The following TSHR variants were observed in gnomAD, a reference collection of about 807,000 sequenced individuals.
The protein encoded by TSHR is thyroid stimulating hormone receptor, also known as thyrotropin receptor.
TSHR carries 51 observed loss-of-function variants against 64.1 expected under a neutral mutation model. The ratio of observed to expected loss-of-function variants is 0.80; its 90% CI spans 0.64 to 1.01. TSHR has a LOEUF of 1.01. TSHR is among the 50% of genes least tolerant of loss of function. TSHR has a pLI of 0.00. For synonymous variants in TSHR, 361 were observed against 361.9 expected, an observed-to-expected ratio of 1.00 and a Z score of 0.03; for missense variants, 877 against 942.8, an observed-to-expected ratio of 0.93 and a Z score of 0.91.
chr14:81,035,767 C>A (rs1395050907), intron 1 of TSHR, among the ~76,000 whole-genome samples: 1 of 151,732 alleles, frequency 6.6e-6, no homozygotes, highest in Non-Finnish European at 1.5e-5. Flanking sequence ...TACACTTTAC[C>A]CCTTACATTG....
intron 8 of TSHR, among the ~76,000 whole-genome samples, chr14:81,118,884 A>G (rs1045103260): frequency 1.3e-5 from 2 of 149,668 alleles, no homozygotes; most frequent in African/African-American, 5.0e-5. Flanking sequence ...CATGTCTACA[A>G]CTATCTGATC....
intron 1 of TSHR, among the ~76,000 whole-genome samples, chr14:81,041,574 G>A (rs1884925531): frequency 6.6e-6 from 1 of 152,016 alleles, no homozygotes; most frequent in Non-Finnish European, 1.5e-5. Context: ...TGGATATTAG[G>A]CCTAATAACT....
chr14:80,969,086 A>G (rs759123888), intron 1 of TSHR, among the ~76,000 whole-genome samples: 21 of 152,206 alleles, frequency 1.4e-4, no homozygotes, highest in Non-Finnish European at 2.9e-4. Context: ...TCCTAGCTAC[A>G]TAGAACACAA....
rs938263413 is a variant in TSHR at position 81,142,086 on chromosome 14, A to AT, written c.882-844dup. 2.8e-3 allele frequency among the ~76,000 whole-genome samples: 419 copies of AT among 149,514 alleles called. 3 individuals are homozygous for AT. The highest frequency in any genetic ancestry group is 9.6e-3 in the African/African-American group (394 of 40,860). On this transcript the variant is annotated intron_variant, in intron 9 of 9. Coordinates refer to ENST00000298171, the MANE Select transcript of TSHR (RefSeq NM_000369.5). Reference sequence around the variant, plus strand: ...CAAGGCGACTGGCTCCAGCATCCACATTTTTTTTTTAAACAGAGTCTCACT... The same window carrying AT: ...CAAGGCGACTGGCTCCAGCATCCACATTTTTTTTTTTAAACAGAGTCTCACT...
chr14:80,978,082 C>T (rs566227853), intron 1 of TSHR, among the ~76,000 whole-genome samples: 1 of 134,526 alleles, frequency 7.4e-6, no homozygotes, highest in Non-Finnish European at 1.6e-5. Context: ...TCCTCCTCAA[C>T]AACATCCCTC....
intron 8 of TSHR, among the ~76,000 whole-genome samples, chr14:81,109,392 G>C (rs1890124964): frequency 6.6e-6 from 1 of 152,034 alleles, no homozygotes; most frequent in Non-Finnish European, 1.5e-5. Context: ...CTGGACGACA[G>C]AGCGAGAGTC....
intron 1 of TSHR, among the ~76,000 whole-genome samples, chr14:80,977,141 C>T (rs1416838013): frequency 6.6e-6 from 1 of 152,182 alleles, no homozygotes. Flanking sequence ...CTCTCATGGT[C>T]GGATGCTGTG....
intron 4 of TSHR, among the ~76,000 whole-genome samples, chr14:81,090,628 A>T (rs1402384479): frequency 6.6e-6 from 1 of 152,194 alleles, no homozygotes; most frequent in African/African-American, 2.4e-5. Context: ...AAATAACAGC[A>T]TAATATCATG....
chr14:80,971,151 C>CTAAG (rs1887571413), intron 1 of TSHR, among the ~76,000 whole-genome samples: 1 of 152,136 alleles, frequency 6.6e-6, no homozygotes, highest in Non-Finnish European at 1.5e-5. Context: ...ATGCCGCAGA[C>CTAAG]TAAGCATGTT....
intron 7 of TSHR, among the ~76,000 whole-genome samples, chr14:81,107,767 C>G (rs1483306203): frequency 6.6e-6 from 1 of 152,126 alleles, no homozygotes. Flanking sequence ...AGATCAACAA[C>G]AGACAACTTT....
At chr14:81,098,120 A>C (rs1269431323) in intron 7 of TSHR, among the ~76,000 whole-genome samples, 3 of 152,226 alleles carry the variant, frequency 2.0e-5, no homozygotes, top group African/African-American at 7.2e-5. Context: ...CTGGGAAAAC[A>C]CAGATGAACA....
intron 1 of TSHR, among the ~76,000 whole-genome samples, chr14:81,044,657 CAAAA>C (rs147382752): frequency 8.8e-6 from 1 of 113,564 alleles, no homozygotes; most frequent in African/African-American, 3.8e-5. Context: ...GACTCTGTCT[CAAAA>C]AAAAAAAAAA....
chr14:81,129,537 T>A lies in TSHR; in HGVS notation c.693-10142T>A, dbSNP rs143620630. On this transcript the variant is annotated intron_variant, in intron 8 of 9. Transcript: ENST00000298171. ...TAAATCATTCACCCCAAGCAGGCTC[T>A]ACCTGCTGCACAGCAATCACATCCC... Among the ~76,000 whole-genome samples the A allele has an allele frequency of 1.5e-3, 230 of 152,310 alleles. 1 individual carries two copies. The highest frequency in any genetic ancestry group is 4.8e-3 in the East Asian group (25 of 5,180).
chr14:81,060,051 T>C (rs1886120559), intron 1 of TSHR, among the ~76,000 whole-genome samples: 1 of 152,284 alleles, frequency 6.6e-6, no homozygotes, highest in East Asian at 1.9e-4. Context: ...TTAGAAACCA[T>C]TGCAATCTTA....
At chr14:81,128,305 T>C (rs140570940) in intron 8 of TSHR, among the ~76,000 whole-genome samples, 1 of 152,292 alleles carries the variant, frequency 6.6e-6, no homozygotes, top group African/African-American at 2.4e-5. Context: ...ATTTAACAAA[T>C]AAGGAAACTG....
chr14:81,090,466 C>G (rs1888635148), intron 4 of TSHR, among the ~76,000 whole-genome samples: 1 of 152,170 alleles, frequency 6.6e-6, no homozygotes, highest in Non-Finnish European at 1.5e-5. Context: ...GTCTTGAATT[C>G]CTGGACTCAA....
intron 2 of TSHR, among the ~76,000 whole-genome samples, chr14:81,063,394 T>G (rs1886378056): frequency 6.6e-6 from 1 of 152,142 alleles, no homozygotes; most frequent in Admixed American, 6.6e-5. Flanking sequence ...GGCTGCACTA[T>G]TTCCTAATAC....
chr14:81,014,619 C>A (rs1049344018), intron 1 of TSHR, among the ~76,000 whole-genome samples: 3 of 152,140 alleles, frequency 2.0e-5, no homozygotes, highest in Non-Finnish European at 2.9e-5. Context: ...TTTAACATGC[C>A]TTGTTTGCCA....
At position 81,139,865 on chromosome 14, in the gene TSHR, A is replaced by C; in HGVS notation, c.879A>C (p.Arg293Ser). Residue 293 changes from arginine to serine, a missense_variant and splice_region_variant, in exon 9 of 10, where the codon AGA (arginine) becomes AGC (serine). Arg to Ser is a moderately radical substitution (Grantham distance 110, BLOSUM62 -1). Transcript: ENST00000298171. ...CTTTTAAGAATCAGAAGAAAATCAG[A>C]GGGTAAGTGGCAGGGACCCGGCATA... is the stretch of plus-strand genomic sequence containing the variant. Reference protein sequence around the residue: ...CCAFKNQKKIRGILESLMCNE... With the variant: ...CCAFKNQKKISGILESLMCNE... The C allele has an allele frequency of 1.2e-6, 2 of 1,614,172 alleles. No homozygotes were observed. The highest frequency in any genetic ancestry group is 1.7e-6 in the Non-Finnish European group (2 of 1,180,034).
Sources: gnomAD v4.1 joint callset for allele counts (sites outside exome capture counted in the v4.1 genomes callset) on GRCh38, gnomAD v4.1.1 for gene constraint, MANE v1.5 for transcripts, NCBI Gene and HGNC (gene_info 2026-07-23, HGNC 2026-07-21) for gene names.